NELL2: variants seen among roughly 807,000 people sequenced by gnomAD.
NELL2 encodes protein kinase C-binding protein NELL2.
Under a neutral mutation model 109.6 loss-of-function variants are expected in NELL2, and 41 were observed. The ratio of observed to expected loss-of-function variants is 0.37; its 90% CI spans 0.29 to 0.49. The LOEUF (loss-of-function observed/expected upper bound fraction) is 0.49. Ranked by LOEUF, NELL2 falls within the 20% of genes least tolerant of loss-of-function variation. The pLI is 0.98. For missense variants in NELL2, 900 were observed against 1,008.3 expected, an observed-to-expected ratio of 0.89 and a Z score of 1.45; for synonymous variants, 355 against 344.7, an observed-to-expected ratio of 1.03 and a Z score of -0.33.
At chr12:44,836,298 C>G (rs1944052876) in intron 2 of NELL2, among the ~76,000 whole-genome samples, 1 of 152,210 alleles carries the variant, frequency 6.6e-6, no homozygotes, top group Admixed American at 6.5e-5. Flanking sequence ...AGATCCCAAT[C>G]TATTCTCTGT....
chr12:44,677,943 T>C (rs556226526), intron 12 of NELL2, among the ~76,000 whole-genome samples: 61 of 152,126 alleles, frequency 4.0e-4, no homozygotes, highest in African/African-American at 1.4e-3. Flanking sequence ...GGCAGTGAGA[T>C]ATGTGGGTCT....
chr12:44,693,645 T>C (rs1948968875), intron 12 of NELL2, among the ~76,000 whole-genome samples: 1 of 152,178 alleles, frequency 6.6e-6, no homozygotes, highest in South Asian at 2.1e-4. Flanking sequence ...GTCTTAATGG[T>C]GTTCAAGTTT....
chr12:44,827,508 A>C (rs1420814102), intron 2 of NELL2, among the ~76,000 whole-genome samples: 1 of 140,486 alleles, frequency 7.1e-6, no homozygotes, highest in East Asian at 2.1e-4. Context: ...GCATCCTTCT[A>C]CTCTCTATCT....
intron 9 of NELL2, among the ~76,000 whole-genome samples, chr12:44,756,287 T>C (rs1284624797): frequency 6.6e-6 from 1 of 151,884 alleles, no homozygotes; most frequent in East Asian, 1.9e-4. Flanking sequence ...CTCTTATACA[T>C]GTTCAACCTT....
intron 13 of NELL2, among the ~76,000 whole-genome samples, chr12:44,638,348 G>A (rs1477800992): frequency 4.6e-5 from 7 of 152,096 alleles, no homozygotes; most frequent in African/African-American, 1.7e-4. Flanking sequence ...AGCACTGTGA[G>A]GTAAATGACC....
At chr12:44,539,140 C>T (rs1942428295) in intron 15 of NELL2, among the ~76,000 whole-genome samples, 1 of 152,098 alleles carries the variant, frequency 6.6e-6, no homozygotes, top group Non-Finnish European at 1.5e-5. Flanking sequence ...CTTGTAATAG[C>T]ATCTATAACT....
At chr12:44,854,676 ATGGATGGGTGGATGGATGGG>A (rs752942451) in intron 2 of NELL2, among the ~76,000 whole-genome samples, 1,647 of 143,106 alleles carry the variant, frequency 0.012, 11 homozygotes, top group Non-Finnish European at 0.018. Context: ...GGATGGATGG[ATGGATGGGTGGATGGATGGG>A]TGGATGGATG....
chr12:44,876,130 G>C lies in NELL2; in HGVS notation c.-261C>G, dbSNP rs1304643529. ...CGGCAGCGCGGCCCGGAGGGGGCCCGGAGGGAGGGGTCGGACTCGCCCCGG... is the reference window on the plus strand; with the variant it reads ...CGGCAGCGCGGCCCGGAGGGGGCCCCGAGGGAGGGGTCGGACTCGCCCCGG... On this transcript the variant is annotated 5_prime_UTR_variant, in exon 1 of 20. Coordinates refer to ENST00000429094, the MANE Select transcript of NELL2 (RefSeq NM_001145108.2). 1.5e-6 allele frequency: 2 copies of C among 1,301,150 alleles called. No individual in the cohort carries two copies. The allele number at this position is 1,301,150 out of a possible 1,614,324, so 80.6% of individuals were successfully genotyped here.
At chr12:44,594,400 T>C (rs2136229728) in intron 15 of NELL2, among the ~76,000 whole-genome samples, 1 of 152,150 alleles carries the variant, frequency 6.6e-6, no homozygotes, top group African/African-American at 2.4e-5. Flanking sequence ...CACATAAAAT[T>C]GTTGCAATAC....
At chr12:44,527,947 A>G (rs1941862441) in intron 16 of NELL2, among the ~76,000 whole-genome samples, 1 of 151,516 alleles carries the variant, frequency 6.6e-6, no homozygotes. Context: ...ACAAAAAATT[A>G]GCCCGGCGTG....
chr12:44,739,294 A>G (rs2136492069), intron 9 of NELL2, among the ~76,000 whole-genome samples: 1 of 152,334 alleles, frequency 6.6e-6, no homozygotes, highest in African/African-American at 2.4e-5. Flanking sequence ...GATTTTTCCA[A>G]AAGTAGTTTC....
intron 1 of NELL2, among the ~76,000 whole-genome samples, chr12:44,898,511 G>A (rs1435955920): frequency 6.6e-6 from 1 of 152,072 alleles, no homozygotes; most frequent in Non-Finnish European, 1.5e-5. Flanking sequence ...TGCAGAAGAG[G>A]GTCCTGACTG....
chr12:44,571,116 G>C (rs1434049959), intron 15 of NELL2, among the ~76,000 whole-genome samples: 1 of 152,174 alleles, frequency 6.6e-6, no homozygotes, highest in Non-Finnish European at 1.5e-5. Context: ...TAAAACAGCT[G>C]TGTGAACAAA....
At chr12:44,611,726 G>C (rs1337306649) in intron 13 of NELL2, among the ~76,000 whole-genome samples, 2 of 151,998 alleles carry the variant, frequency 1.3e-5, no homozygotes, top group South Asian at 2.1e-4. Context: ...GTGACTCAAC[G>C]GTGGCTCAGA....
At chr12:44,895,331 G>A (rs1303375387) in intron 1 of NELL2, among the ~76,000 whole-genome samples, 1 of 152,052 alleles carries the variant, frequency 6.6e-6, no homozygotes, top group African/African-American at 2.4e-5. Context: ...CAAAACGCAA[G>A]AGTTGAAATG....
chr12:44,569,398 C>T (rs1328838212), intron 15 of NELL2, among the ~76,000 whole-genome samples: 1 of 151,986 alleles, frequency 6.6e-6, no homozygotes, highest in Non-Finnish European at 1.5e-5. Context: ...GATATATGCC[C>T]AATAATGAGA....
chr12:44,641,831 G>A (rs1946870281), intron 13 of NELL2, among the ~76,000 whole-genome samples: 2 of 151,602 alleles, frequency 1.3e-5, no homozygotes, highest in South Asian at 4.2e-4. Context: ...CAAGTAGCTG[G>A]GACTACAGGC....
At chr12:44,558,907 C>A (rs192583021) in intron 15 of NELL2, among the ~76,000 whole-genome samples, 8 of 152,292 alleles carry the variant, frequency 5.3e-5, no homozygotes, top group Admixed American at 5.2e-4. Context: ...TGGAGCCCAG[C>A]AAGCTAAGAT....
intron 12 of NELL2, among the ~76,000 whole-genome samples, chr12:44,685,738 T>C (rs1420233143): frequency 1.3e-5 from 2 of 152,196 alleles, no homozygotes; most frequent in Non-Finnish European, 2.9e-5. Flanking sequence ...ATGTTGAATA[T>C]TGGCCCCCAC....
Sources: allele counts gnomAD v4.1 joint callset (sites outside exome capture counted in the v4.1 genomes callset), GRCh38; gene constraint gnomAD v4.1.1; transcripts MANE v1.5; gene names NCBI Gene and HGNC (gene_info 2026-07-23, HGNC 2026-07-21).